Variants in MGMT observed in about 807,000 individuals in gnomAD.
MGMT encodes O-6-methylguanine-DNA methyltransferase, also known as methylated-DNA--protein-cysteine methyltransferase.
In MGMT, 14 loss-of-function variants were observed where a neutral mutation model predicts 15.9. The observed-to-expected ratio is 0.88, with a 90% CI of 0.58 to 1.37. MGMT has a LOEUF of 1.37. Among genes scored for constraint, MGMT ranks in the 40% most tolerant of loss-of-function variants. The pLI is 0.00. For synonymous variants in MGMT, 130 were observed against 118.2 expected, an observed-to-expected ratio of 1.10 and a Z score of -0.65; for missense variants, 282 against 268.1, an observed-to-expected ratio of 1.05 and a Z score of -0.36.
At chr10:129,619,530 C>G (rs1016473324) in intron 2 of MGMT, among the ~76,000 whole-genome samples, 2 of 152,014 alleles carry the variant, frequency 1.3e-5, no homozygotes, top group East Asian at 1.9e-4. Context: ...GATGTATTCT[C>G]TCTTGTACTG....
rs983939482 is a variant in MGMT at position 129,521,282 on chromosome 10, T to C, written c.-12-14959T>C. On this transcript the variant is annotated intron_variant, in intron 1 of 4. Coordinates refer to ENST00000651593, the MANE Select transcript of MGMT (RefSeq NM_002412.5). ...AGGCTGGACACGGGATTTCAATCCG[T>C]GTGTCCCCCTGTTGCCCGGGGTGGC... Among the ~76,000 whole-genome samples the C allele has an allele frequency of 8.5e-5, 13 of 152,228 alleles. No individual in the cohort carries two copies. In the East Asian group the frequency reaches 2.5e-3, roughly 29 times the overall value.
intron 2 of MGMT, among the ~76,000 whole-genome samples, chr10:129,663,987 C>A (rs2133107459): frequency 6.6e-6 from 1 of 152,180 alleles, no homozygotes; most frequent in East Asian, 1.9e-4. Flanking sequence ...GAAACCTAAA[C>A]CTGGTAAAGA....
chr10:129,491,338 G>A (rs1297955451), intron 1 of MGMT, among the ~76,000 whole-genome samples: 1 of 152,052 alleles, frequency 6.6e-6, no homozygotes, highest in Non-Finnish European at 1.5e-5. Flanking sequence ...TTGCACTTTT[G>A]AAGATAATGC....
chr10:129,572,446 C>A (rs534399010), intron 2 of MGMT, among the ~76,000 whole-genome samples: 23 of 152,258 alleles, frequency 1.5e-4, no homozygotes, highest in African/African-American at 5.5e-4. Context: ...GCCTTAACAG[C>A]CAGGGTCTTC....
intron 2 of MGMT, among the ~76,000 whole-genome samples, chr10:129,577,602 A>T (rs181711893): frequency 0.052 from 7,918 of 152,254 alleles, 691 homozygotes; most frequent in African/African-American, 0.18. Context: ...AACCTAGGCA[A>T]TACCATTCAG....
chr10:129,485,366 T>C (rs890754196), intron 1 of MGMT, among the ~76,000 whole-genome samples: 1 of 152,196 alleles, frequency 6.6e-6, no homozygotes, highest in Admixed American at 6.5e-5. Context: ...TCCTCCTCCT[T>C]GGCACAGCCT....
intron 2 of MGMT, among the ~76,000 whole-genome samples, chr10:129,653,856 G>C (rs1039111576): frequency 3.3e-5 from 5 of 152,192 alleles, no homozygotes; most frequent in Admixed American, 1.3e-4. Context: ...TGTCAGGTGG[G>C]CTAGGGGCAG....
intron 2 of MGMT, among the ~76,000 whole-genome samples, chr10:129,618,184 C>CT (rs998007765): frequency 1.3e-5 from 2 of 152,176 alleles, no homozygotes; most frequent in East Asian, 1.9e-4. Flanking sequence ...CCCTAGAAAA[C>CT]TTTTTTTAAA....
At chr10:129,663,341 A>T (rs1440967864) in intron 2 of MGMT, among the ~76,000 whole-genome samples, 1 of 152,190 alleles carries the variant, frequency 6.6e-6, no homozygotes, top group Non-Finnish European at 1.5e-5. Flanking sequence ...GGCATAGTTA[A>T]TGCAGTGATT....
intron 2 of MGMT, among the ~76,000 whole-genome samples, chr10:129,647,306 C>G (rs772990164): frequency 6.6e-6 from 1 of 151,922 alleles, no homozygotes; most frequent in Non-Finnish European, 1.5e-5. Context: ...TGTGCACATT[C>G]GACGCTCAAG....
At chr10:129,679,062 GACTCCATCT>G in intron 2 of MGMT, among the ~76,000 whole-genome samples, 1 of 144,690 alleles carries the variant, frequency 6.9e-6, no homozygotes, top group South Asian at 2.2e-4. Context: ...GACAGACTGA[GACTCCATCT>G]CAAAAAAAAA....
Position 129,467,245 on chromosome 10 carries a change from C to T in MGMT, c.-64C>T, listed in dbSNP as rs1318669335. 2 of 1,544,178 alleles carry T rather than the reference C, an allele frequency of 1.3e-6. No individual in the cohort carries two copies. Among genetic ancestry groups the T allele is most frequent in the Non-Finnish European group, 1.7e-6 (2 of 1,145,688 alleles). Reference sequence around the variant, plus strand: ...TGGGACAGCCCGCGCCCCTAGAACGCTTTGCGTCCCGACGCCCGCAGGTCC... The same window carrying T: ...TGGGACAGCCCGCGCCCCTAGAACGTTTTGCGTCCCGACGCCCGCAGGTCC... On this transcript the variant is annotated 5_prime_UTR_variant, in exon 1 of 5. Coordinates refer to ENST00000651593, the MANE Select transcript of MGMT (RefSeq NM_002412.5).
At chr10:129,474,200 C>T (rs7081621) in intron 1 of MGMT, among the ~76,000 whole-genome samples, 12,296 of 152,216 alleles carry the variant, frequency 0.081, 665 homozygotes, top group East Asian at 0.29. Context: ...CCAAATGCTG[C>T]GCTGGGTGAA....
At chr10:129,552,475 T>A (rs1846168583) in intron 2 of MGMT, among the ~76,000 whole-genome samples, 1 of 152,218 alleles carries the variant, frequency 6.6e-6, no homozygotes, top group Admixed American at 6.5e-5. Flanking sequence ...GCCTTCAATG[T>A]CACAGAATTC....
At chr10:129,757,984 A>G (rs922979505) in intron 3 of MGMT, among the ~76,000 whole-genome samples, 1 of 152,234 alleles carries the variant, frequency 6.6e-6, no homozygotes, top group Non-Finnish European at 1.5e-5. Flanking sequence ...ACTAGAGCAC[A>G]TTTGCTATCT....
chr10:129,556,214 C>T lies in MGMT; in HGVS notation c.125+19837C>T, dbSNP rs1055879273. 1.3e-5 allele frequency among the ~76,000 whole-genome samples: 2 copies of T among 152,162 alleles called. No homozygotes were observed. Among genetic ancestry groups the T allele is most frequent in the African/African-American group, 2.4e-5 (1 of 41,430 alleles). ...TCGCTCTGTTGGTCTCTGTGTAGCA[C>T]GTGGCCCCCAAAATTTAGGTGTTGA... On this transcript the variant is annotated intron_variant, in intron 2 of 4. Transcript: ENST00000651593. The surrounding 1 kb of genome is among the most constrained non-coding windows in gnomAD (Gnocchi z 4.3).
chr10:129,560,864 A>G (rs188957902), intron 2 of MGMT, among the ~76,000 whole-genome samples: 3 of 152,216 alleles, frequency 2.0e-5, no homozygotes, highest in Non-Finnish European at 4.4e-5. Flanking sequence ...GAAAGCATCG[A>G]AATATGAGAC....
intron 3 of MGMT, among the ~76,000 whole-genome samples, chr10:129,709,423 T>G (rs1848205622): frequency 1.3e-5 from 2 of 152,210 alleles, no homozygotes; most frequent in Admixed American, 1.3e-4. Context: ...CAGAGATTGG[T>G]TTTGTTTATT....
At chr10:129,554,300 AG>A (rs1296491979) in intron 2 of MGMT, among the ~76,000 whole-genome samples, 2 of 152,222 alleles carry the variant, frequency 1.3e-5, no homozygotes, top group Non-Finnish European at 2.9e-5. Flanking sequence ...TCCATTAATC[AG>A]TGATAGTCTT....
Sources: allele counts gnomAD v4.1 joint callset (sites outside exome capture counted in the v4.1 genomes callset), GRCh38; gene constraint gnomAD v4.1.1; non-coding constraint Gnocchi (gnomAD v3.1); transcripts MANE v1.5; gene names NCBI Gene and HGNC (gene_info 2026-07-23, HGNC 2026-07-21).